Variants in NRTN observed in about 807,000 individuals in gnomAD.
The protein encoded by NRTN is prepro-neurturin.
Under a neutral mutation model 7.5 loss-of-function variants are expected in NRTN, and 3 were observed. The ratio of observed to expected loss-of-function variants is 0.40; its 90% CI spans 0.18 to 1.03. NRTN has a LOEUF of 1.03. Ranked by LOEUF, NRTN falls within the 50% of genes least tolerant of loss-of-function variation. The probability of loss-of-function intolerance (pLI) is 0.34; values close to 1 mark genes in which losing one functional copy is unlikely to be tolerated. For missense variants in NRTN, 310 were observed against 307.0 expected, an observed-to-expected ratio of 1.01 and a Z score of -0.07; for synonymous variants, 157 against 146.6, an observed-to-expected ratio of 1.07 and a Z score of -0.51.
rs1307196045 is a variant in NRTN, at chr19:5,828,028, A to T, written c.449A>T (p.Gln150Leu). 7.0e-7 allele frequency: 1 copy of T among 1,420,404 alleles called. No individual in the cohort carries two copies. Among genetic ancestry groups the T allele is most frequent in the East Asian group, 3.0e-5 (1 of 33,108 alleles). The allele number at this position is 1,420,404 out of a possible 1,614,324, so 88.0% of individuals were successfully genotyped here. The stretch of plus-strand genomic sequence containing the variant: ...GACCTCGGGCTGCGACGACTGCGCC[A>T]GCGGCGGCGCCTGCGGCGGGAGCGG... The part of the protein sequence containing the change: ...VYDLGLRRLR[Q>L]RRRLRRERVR... Residue 150 changes from glutamine to leucine, a missense_variant, in exon 3 of 3, where the codon CAG becomes CTG. Coordinates refer to ENST00000303212, the MANE Select transcript of NRTN (RefSeq NM_004558.5).
chr19:5,826,859 G>A (rs939318720), intron 2 of NRTN, among the ~76,000 whole-genome samples: 2 of 152,212 alleles, frequency 1.3e-5, no homozygotes, highest in African/African-American at 4.8e-5. Flanking sequence ...CTGGACCTGG[G>A]CCAAACTTGG....
At chr19:5,808,733 CTCTT>C (rs2056981037) in intron 1 of NRTN, among the ~76,000 whole-genome samples, 1 of 151,522 alleles carries the variant, frequency 6.6e-6, no homozygotes, top group Non-Finnish European at 1.5e-5. Context: ...GCCTGGAACA[CTCTT>C]TCCAGATCTT....
chr19:5,812,036 A>AT lies in NRTN; in HGVS notation c.-399+6593dup, dbSNP rs572049557. On this transcript the variant is annotated intron_variant, in intron 1 of 2. Coordinates refer to ENST00000303212, the MANE Select transcript of NRTN (RefSeq NM_004558.5). ...AGGCGCCCAATACCACGCCCAGCCAATTTTTTTTGTATTTTTAGTAGAGAC... is the reference window on the plus strand; with the variant it reads ...AGGCGCCCAATACCACGCCCAGCCAATTTTTTTTTGTATTTTTAGTAGAGAC... Among the ~76,000 whole-genome samples the AT allele has an allele frequency of 1.8e-3, 269 of 147,500 alleles. 1 individual carries two copies. Among genetic ancestry groups the AT allele is most frequent in the East Asian group, 6.9e-3 (34 of 4,910 alleles).
rs575498699 is a variant in NRTN at position 5,810,408 on chromosome 19, C to T, written c.-399+4957C>T. ...GATTATAGGCATGAGCCACCACAAC[C>T]GGCCTCAGCTGCTTACTTGCTGTGT... On this transcript the variant is annotated intron_variant, in intron 1 of 2. Transcript: ENST00000303212. Among the ~76,000 whole-genome samples, 89 of 152,110 alleles carry T rather than the reference C, an allele frequency of 5.9e-4. 1 individual carries two copies. Among genetic ancestry groups the T allele is most frequent in the African/African-American group, 2.0e-3 (81 of 41,528 alleles).
intron 1 of NRTN, among the ~76,000 whole-genome samples, chr19:5,817,134 T>G (rs2057007394): frequency 6.6e-6 from 1 of 151,530 alleles, no homozygotes; most frequent in East Asian, 1.9e-4. Context: ...GCCAAGAGTT[T>G]GAGACCGCCT....
At chr19:5,818,885 G>GC (rs1339219485) in intron 1 of NRTN, among the ~76,000 whole-genome samples, 1 of 151,866 alleles carries the variant, frequency 6.6e-6, no homozygotes, top group Non-Finnish European at 1.5e-5. Context: ...TCCGCCAATG[G>GC]CCCCCCGATT....
At chr19:5,810,503 TAAC>T (rs748200840) in intron 1 of NRTN, among the ~76,000 whole-genome samples, 39 of 151,968 alleles carry the variant, frequency 2.6e-4, no homozygotes, top group Admixed American at 5.9e-4. Context: ...CTAATAATAA[TAAC>T]ATGTTTTTCA....
intron 1 of NRTN, among the ~76,000 whole-genome samples, chr19:5,822,551 GCACT>G (rs1479497661): frequency 6.6e-6 from 1 of 152,210 alleles, no homozygotes; most frequent in African/African-American, 2.4e-5. Context: ...ATGCCACCAG[GCACT>G]CACAGCACCA....
chr19:5,826,659 C>T (rs1320943284), intron 2 of NRTN, among the ~76,000 whole-genome samples: 1 of 152,196 alleles, frequency 6.6e-6, no homozygotes, highest in African/African-American at 2.4e-5. Context: ...GTGACTGCCA[C>T]CTGCTCTGGG....
chr19:5,809,551 C>T (rs1049683717), intron 1 of NRTN, among the ~76,000 whole-genome samples: 5 of 152,070 alleles, frequency 3.3e-5, no homozygotes, highest in African/African-American at 1.2e-4. Flanking sequence ...TTATCTGTCT[C>T]CCCGACTGGA....
At chr19:5,812,942 C>T (rs1046801189) in intron 1 of NRTN, among the ~76,000 whole-genome samples, 2 of 152,200 alleles carry the variant, frequency 1.3e-5, no homozygotes, top group East Asian at 3.9e-4. Context: ...ACAGGCACTT[C>T]CCCACTGGCA....
intron 1 of NRTN, among the ~76,000 whole-genome samples, chr19:5,808,787 G>T (rs1490673401): frequency 7.2e-6 from 1 of 138,638 alleles, no homozygotes; most frequent in African/African-American, 2.8e-5. Context: ...AGACAGTCTC[G>T]CTCTGTCACC....
At chr19:5,820,069 A>G (rs1473427153) in intron 1 of NRTN, among the ~76,000 whole-genome samples, 1 of 150,754 alleles carries the variant, frequency 6.6e-6, no homozygotes, top group African/African-American at 2.5e-5. Context: ...GATCGAGACC[A>G]TCCTGGCTAA....
chr19:5,813,516 A>C (rs920870171), intron 1 of NRTN, among the ~76,000 whole-genome samples: 1 of 152,028 alleles, frequency 6.6e-6, no homozygotes, highest in African/African-American at 2.4e-5. Context: ...TAATAAAAAT[A>C]CAAAAAAATT....
rs1362370738 is a variant in NRTN at position 5,806,285 on chromosome 19, C to T, written c.-399+834C>T. On this transcript the variant is annotated intron_variant, in intron 1 of 2. Transcript: ENST00000303212. The surrounding 1 kb of genome is among the most constrained non-coding windows in gnomAD (Gnocchi z 5.4). ...AGGGTGAATGCCACCACTGTCCCCT[C>T]CCCAGAACGCATCCGACCTGCCCAC... Among the ~76,000 whole-genome samples, 7 of 152,100 alleles carry T rather than the reference C, an allele frequency of 4.6e-5. No homozygotes were observed. The highest frequency in any genetic ancestry group is 9.7e-5 in the African/African-American group (4 of 41,416).
intron 1 of NRTN, among the ~76,000 whole-genome samples, chr19:5,821,763 T>G (rs1443506521): frequency 1.3e-5 from 2 of 152,100 alleles, no homozygotes; most frequent in African/African-American, 4.8e-5. Flanking sequence ...GGTCTAGGAT[T>G]TGTTTAGATG....
chr19:5,805,793 G>A (rs1218001265), intron 1 of NRTN, among the ~76,000 whole-genome samples: 1 of 152,010 alleles, frequency 6.6e-6, no homozygotes, highest in Non-Finnish European at 1.5e-5. Flanking sequence ...TAGCCTCTAG[G>A]AGGGCGAGAC....
intron 1 of NRTN, among the ~76,000 whole-genome samples, chr19:5,821,888 G>A (rs2057025972): frequency 6.6e-6 from 1 of 152,160 alleles, no homozygotes; most frequent in Non-Finnish European, 1.5e-5. Flanking sequence ...CTGCTCCCAA[G>A]CCCAGCCCAG....
chr19:5,828,220 G>C lies in NRTN; in HGVS notation c.*47G>C. 1.3e-6 allele frequency: 2 copies of C among 1,523,696 alleles called. No homozygotes were observed. Among genetic ancestry groups the C allele is most frequent in the Non-Finnish European group, 1.8e-6 (2 of 1,140,680 alleles). The allele number at this position is 1,523,696 out of a possible 1,614,324, so 94.4% of individuals were successfully genotyped here. On this transcript the variant is annotated 3_prime_UTR_variant, in exon 3 of 3. Transcript: ENST00000303212. ...CGGCGGCCACTCCCCCCGCCTCGAC[G>C]GCACCACTGGCCGGCCCCGCGAAAG...
Sources: gnomAD v4.1 joint callset for allele counts (sites outside exome capture counted in the v4.1 genomes callset) on GRCh38, gnomAD v4.1.1 for gene constraint, Gnocchi (gnomAD v3.1) non-coding constraint, MANE v1.5 for transcripts, NCBI Gene and HGNC (gene_info 2026-07-23, HGNC 2026-07-21) for gene names.